Variants in SEC63 observed in about 807,000 individuals in gnomAD.
SEC63 encodes translocation protein SEC63 homolog.
In SEC63, 56 loss-of-function variants were observed where a neutral mutation model predicts 116.2. The observed-to-expected ratio is 0.48, with a 90% CI of 0.39 to 0.60. The LOEUF (loss-of-function observed/expected upper bound fraction) is 0.60. Among genes scored for constraint, SEC63 ranks in the 20% least tolerant of loss-of-function variants. The pLI is 0.00. For synonymous variants in SEC63, 273 were observed against 294.6 expected (o/e 0.93, Z 0.75); for missense variants, 668 against 900.0 (o/e 0.74, Z 3.30).
intron 13 of SEC63, among the ~76,000 whole-genome samples, chr6:107,900,510 TG>T (rs1252166344): frequency 6.6e-6 from 1 of 152,016 alleles, no homozygotes; most frequent in Non-Finnish European, 1.5e-5. Flanking sequence ...TAGCCAGGTA[TG>T]GTAGTGTGCA....
intron 16 of SEC63, among the ~76,000 whole-genome samples, chr6:107,888,723 G>A (rs969162736): frequency 1.3e-5 from 2 of 152,198 alleles, no homozygotes; most frequent in Non-Finnish European, 2.9e-5. Flanking sequence ...GATACTGGCT[G>A]TGGGTTTGTC....
chr6:107,893,864 C>A lies in SEC63; in HGVS notation c.1474G>T (p.Ala492Ser). Residue 492 changes from alanine (A) to serine (S), a missense_variant, in exon 15 of 21, where the codon GCA (alanine) becomes TCA (serine). Ala to Ser is a moderately conservative substitution (Grantham distance 99). Transcript: ENST00000369002. ...VFEKEQSICAAEEQPAEDGQG... is the reference protein window; with the variant it reads ...VFEKEQSICASEEQPAEDGQG... Reference sequence around the variant, plus strand: ...CCATCTTCTGCTGGCTGTTCCTCTGCAGCACAGATGGACTGCTCCTTTTCA... The same window carrying A: ...CCATCTTCTGCTGGCTGTTCCTCTGAAGCACAGATGGACTGCTCCTTTTCA... 6.2e-7 allele frequency: 1 copy of A among 1,614,114 alleles called. No homozygotes were observed. The highest frequency in any genetic ancestry group is 8.5e-7 in the Non-Finnish European group (1 of 1,180,000).
Position 107,949,864 on chromosome 6 carries a change from G to A in SEC63, c.124+8022C>T, listed in dbSNP as rs147140797. On this transcript the variant is annotated intron_variant, in intron 1 of 20. Coordinates refer to ENST00000369002, the MANE Select transcript of SEC63 (RefSeq NM_007214.5). ...GTTGCCCAGGCTGGTTCAAACTCCT[G>A]GACTCAAGTGTTCCTCCCACCTCAG... 3.0e-3 allele frequency among the ~76,000 whole-genome samples: 455 copies of A among 152,224 alleles called. 3 individuals carry two copies. The highest frequency in any genetic ancestry group is 0.01 in the African/African-American group (433 of 41,552).
intron 10 of SEC63, among the ~76,000 whole-genome samples, chr6:107,905,293 T>C (rs779095242): frequency 3.3e-5 from 5 of 152,218 alleles, no homozygotes; most frequent in Non-Finnish European, 5.9e-5. Context: ...TACTAGTTAA[T>C]TGAGTATTTC....
In SEC63 at chr6:107,872,912, C is replaced by A. The variant is rs1786167687; in HGVS notation, c.2035G>T (p.Val679Leu). The A allele has an allele frequency of 6.5e-7, 1 of 1,538,972 alleles. No individual in the cohort carries two copies. The highest frequency in any genetic ancestry group is 1.2e-5 in the South Asian group (1 of 84,024). The change falls in exon 20 of 21, where the codon GTA becomes TTA. Residue 679 changes from valine to leucine, a missense_variant and splice_region_variant. By Grantham distance (32) the Val-to-Leu change is conservative (BLOSUM62 1). This residue lies in a region of SEC63 where 85 missense variants were observed against 116.3 expected (regional missense o/e 0.73). Coordinates refer to ENST00000369002, the MANE Select transcript of SEC63 (RefSeq NM_007214.5). ...HVCTLKDTEE[V>L]ELKFPAPGKP... ...CCTGGTGCAGGAAACTTCAGCTCTACCTAGAAGATAAAATCAGCACTTAAA... is the reference window on the plus strand; with the variant it reads ...CCTGGTGCAGGAAACTTCAGCTCTAACTAGAAGATAAAATCAGCACTTAAA...
chr6:107,921,362 T>C lies in SEC63; in HGVS notation c.452+435A>G, dbSNP rs564937997. ...AAATTACCACGTTAGTGCTGCTGTG[T>C]AGCCCCTAAATGATAGACTCAACAT... On this transcript the variant is annotated intron_variant, in intron 4 of 20. Transcript: ENST00000369002. 4.3e-4 allele frequency among the ~76,000 whole-genome samples: 66 copies of C among 152,316 alleles called. No individual in the cohort carries two copies. In the South Asian group the frequency reaches 0.014, roughly 32 times the overall value.
At chr6:107,949,638 C>T (rs1583780782) in intron 1 of SEC63, among the ~76,000 whole-genome samples, 1 of 151,988 alleles carries the variant, frequency 6.6e-6, no homozygotes, top group East Asian at 1.9e-4. Flanking sequence ...CTTCTTTTTA[C>T]TTTTTGTGTG....
intron 4 of SEC63, among the ~76,000 whole-genome samples, chr6:107,920,606 G>T (rs1562329752): frequency 6.6e-6 from 1 of 152,062 alleles, no homozygotes; most frequent in African/African-American, 2.4e-5. Flanking sequence ...AAGTATGCTT[G>T]TATTTATTTA....
chr6:107,947,331 C>G (rs1770498288), intron 1 of SEC63, among the ~76,000 whole-genome samples: 2 of 151,978 alleles, frequency 1.3e-5, no homozygotes, highest in Admixed American at 1.3e-4. Flanking sequence ...AAAACACTCA[C>G]TATCGGACAA....
chr6:107,914,793 C>A (rs1787361846), intron 4 of SEC63, among the ~76,000 whole-genome samples: 1 of 152,146 alleles, frequency 6.6e-6, no homozygotes, highest in South Asian at 2.1e-4. Flanking sequence ...CCCAAAATAA[C>A]CATCTCTGTC....
Position 107,869,211 on chromosome 6 carries a change from T to C in SEC63, c.*2493A>G, listed in dbSNP as rs572577470. 6.6e-6 allele frequency: 1 copy of C among 152,082 alleles called. No homozygotes were observed. Among genetic ancestry groups the C allele is most frequent in the East Asian group, 1.9e-4 (1 of 5,180 alleles). The allele number at this position is 152,082 out of a possible 1,614,324, so 9.4% of individuals were successfully genotyped here. A position where few individuals can be genotyped will look rare whatever the true frequency, so the allele number is the denominator to read the frequency against. On this transcript the variant is annotated 3_prime_UTR_variant, in exon 21 of 21. Transcript: ENST00000369002. ...GTGCTCCCTAACTTAAAAAAAAAATTATGAAAAATGTTTAAAAAATTCAAA... is the reference window on the plus strand; with the variant it reads ...GTGCTCCCTAACTTAAAAAAAAAATCATGAAAAATGTTTAAAAAATTCAAA...
chr6:107,934,640 C>G (rs1770153258), intron 1 of SEC63, among the ~76,000 whole-genome samples: 1 of 142,440 alleles, frequency 7.0e-6, no homozygotes, highest in South Asian at 2.3e-4. Flanking sequence ...AGCCCCCCGC[C>G]AGGCCAGCCA....
At chr6:107,914,245 C>G (rs1787350332) in intron 4 of SEC63, among the ~76,000 whole-genome samples, 2 of 151,968 alleles carry the variant, frequency 1.3e-5, no homozygotes, top group African/African-American at 4.8e-5. Flanking sequence ...AGGCAGAAAC[C>G]ACCCCACCAA....
chr6:107,893,811 A>C, intron 15 of SEC63, 27 bp downstream of exon 15: 1 of 1,613,376 alleles, frequency 6.2e-7, no homozygotes, highest in Non-Finnish European at 8.5e-7. Context: ...CACTAGGAAA[A>C]ATAGGTTCGG....
intron 2 of SEC63, among the ~76,000 whole-genome samples, chr6:107,927,332 C>G (rs751248564): frequency 2.0e-4 from 30 of 152,076 alleles, no homozygotes; most frequent in Non-Finnish European, 4.0e-4. Flanking sequence ...TCCCAAAGTG[C>G]TCGGATTACA....
intron 4 of SEC63, among the ~76,000 whole-genome samples, chr6:107,917,712 A>G (rs768598800): frequency 2.6e-5 from 4 of 152,220 alleles, no homozygotes; most frequent in Admixed American, 2.0e-4. Context: ...AACTACCCAC[A>G]ATGTTCCCTT....
At chr6:107,911,843 A>G (rs1787291122) in intron 6 of SEC63, among the ~76,000 whole-genome samples, 1 of 152,242 alleles carries the variant, frequency 6.6e-6, no homozygotes, top group Admixed American at 6.5e-5. Context: ...GGAACAAATG[A>G]GATAAGAAGC....
At chr6:107,885,803 CAAAT>C (rs1418892079) in intron 16 of SEC63, among the ~76,000 whole-genome samples, 4 of 152,014 alleles carry the variant, frequency 2.6e-5, no homozygotes, top group Non-Finnish European at 5.9e-5. Context: ...TAAGAATAGA[CAAAT>C]AATCAATAGA....
chr6:107,888,143 G>A (rs1786581345), intron 16 of SEC63, among the ~76,000 whole-genome samples: 2 of 152,192 alleles, frequency 1.3e-5, no homozygotes, highest in Admixed American at 1.3e-4. Context: ...GTCAATGGTA[G>A]CTTGATTGGG....
Sources: gnomAD v4.1 joint callset for allele counts (sites outside exome capture counted in the v4.1 genomes callset) on GRCh38, gnomAD v4.1.1 for gene constraint, gnomAD v4.1.1 regional missense constraint, MANE v1.5 for transcripts, NCBI Gene and HGNC (gene_info 2026-07-23, HGNC 2026-07-21) for gene names.